LRMDA: variants seen among roughly 807,000 people sequenced by gnomAD.
The protein encoded by LRMDA is leucine rich melanocyte differentiation associated.
In LRMDA, 18 loss-of-function variants were observed where a neutral mutation model predicts 29.8. That is an observed-to-expected ratio of 0.60 (90% CI 0.42 to 0.90). The LOEUF is 0.90. Ranked by LOEUF, LRMDA falls within the 40% of genes least tolerant of loss-of-function variation. LRMDA has a pLI of 0.00. For missense variants in LRMDA, 273 were observed against 273.9 expected (o/e 1.00, Z 0.02); for synonymous variants, 125 against 109.4 (o/e 1.14, Z -0.89).
chr10:75,985,286 C>T (rs893425780), intron 2 of LRMDA, among the ~76,000 whole-genome samples: 1 of 152,188 alleles, frequency 6.6e-6, no homozygotes, highest in Non-Finnish European at 1.5e-5. Flanking sequence ...TTTCCATGTT[C>T]TGTTAATCAG....
At chr10:75,989,181 G>A (rs550344497) in intron 2 of LRMDA, among the ~76,000 whole-genome samples, 69 of 152,320 alleles carry the variant, frequency 4.5e-4, no homozygotes, top group African/African-American at 1.5e-3. Context: ...ATGTTGGTGA[G>A]TAAATGACTG....
chr10:76,098,676 A>G (rs527695669), intron 5 of LRMDA, among the ~76,000 whole-genome samples: 2 of 152,250 alleles, frequency 1.3e-5, no homozygotes, highest in South Asian at 4.2e-4. Context: ...CAGCAGGTTC[A>G]CCTTACCTGT....
chr10:75,442,855 T>C (rs1844344939), intron 2 of LRMDA, among the ~76,000 whole-genome samples: 1 of 152,162 alleles, frequency 6.6e-6, no homozygotes, highest in African/African-American at 2.4e-5. Context: ...TATCTTCCTT[T>C]ATGTGTGTAT....
At chr10:75,606,071 T>C (rs1185518496) in intron 2 of LRMDA, among the ~76,000 whole-genome samples, 1 of 152,148 alleles carries the variant, frequency 6.6e-6, no homozygotes, top group Non-Finnish European at 1.5e-5. Flanking sequence ...TTGCCCAGGC[T>C]GGTCTTGAAC....
intron 6 of LRMDA, among the ~76,000 whole-genome samples, chr10:76,430,198 T>C (rs551399019): frequency 6.6e-6 from 1 of 152,100 alleles, no homozygotes; most frequent in South Asian, 2.1e-4. Flanking sequence ...ACCTTAGGAG[T>C]GTCGGCAGTA....
At chr10:75,965,700 A>T (rs1045748986) in intron 2 of LRMDA, among the ~76,000 whole-genome samples, 3 of 152,298 alleles carry the variant, frequency 2.0e-5, no homozygotes, top group African/African-American at 7.2e-5. Flanking sequence ...GGACCATGGC[A>T]TCTTGACTTC....
chr10:75,937,199 G>T (rs985336767), intron 2 of LRMDA, among the ~76,000 whole-genome samples: 1 of 152,154 alleles, frequency 6.6e-6, no homozygotes, highest in African/African-American at 2.4e-5. Context: ...TGCTAAATTT[G>T]TTGAACAGAG....
intron 5 of LRMDA, among the ~76,000 whole-genome samples, chr10:76,093,258 G>C (rs1207181919): frequency 7.3e-5 from 11 of 151,358 alleles, no homozygotes; most frequent in African/African-American, 2.7e-4. Flanking sequence ...GGCTGGTCTT[G>C]AACTCCTGAG....
intron 2 of LRMDA, among the ~76,000 whole-genome samples, chr10:76,026,642 C>T (rs962646858): frequency 1.3e-5 from 2 of 152,146 alleles, no homozygotes; most frequent in African/African-American, 2.4e-5. Context: ...TGCACAGTCC[C>T]AGCTAGAAGA....
At chr10:76,005,917 A>C (rs937615674) in intron 2 of LRMDA, among the ~76,000 whole-genome samples, 2 of 146,146 alleles carry the variant, frequency 1.4e-5, no homozygotes, top group Non-Finnish European at 3.0e-5. Context: ...GTGCAGTGCG[A>C]GACTCCATCT....
intron 6 of LRMDA, among the ~76,000 whole-genome samples, chr10:76,459,147 C>T (rs1907356): frequency 0.25 from 37,674 of 151,982 alleles, 5,554 homozygotes; most frequent in Non-Finnish European, 0.34. Flanking sequence ...TTAACAGATC[C>T]TCCACACACG....
intron 5 of LRMDA, among the ~76,000 whole-genome samples, chr10:76,094,542 T>C (rs1849283820): frequency 6.6e-6 from 1 of 152,146 alleles, no homozygotes; most frequent in South Asian, 2.1e-4. Context: ...TTATTTTTAA[T>C]TTTGAAAATA....
At chr10:75,903,732 C>G (rs1282221297) in intron 2 of LRMDA, among the ~76,000 whole-genome samples, 1 of 152,192 alleles carries the variant, frequency 6.6e-6, no homozygotes, top group Non-Finnish European at 1.5e-5. Flanking sequence ...TTGCACCAAC[C>G]AAAAGCTTTT....
intron 2 of LRMDA, among the ~76,000 whole-genome samples, chr10:75,680,011 A>G (rs1842005314): frequency 6.6e-6 from 1 of 152,264 alleles, no homozygotes; most frequent in Admixed American, 6.5e-5. Context: ...GACTAGGTTT[A>G]GTTGGTATCT....
intron 2 of LRMDA, among the ~76,000 whole-genome samples, chr10:75,814,684 C>A (rs1237045793): frequency 6.6e-6 from 1 of 152,114 alleles, no homozygotes; most frequent in Non-Finnish European, 1.5e-5. Context: ...GAAAATGATT[C>A]CCCTCTTGGT....
intron 2 of LRMDA, among the ~76,000 whole-genome samples, chr10:75,877,786 G>T (rs1449411127): frequency 6.6e-6 from 1 of 152,192 alleles, no homozygotes; most frequent in Non-Finnish European, 1.5e-5. Context: ...TGGGACTCCT[G>T]TCCCAATTTT....
chr10:75,494,000 C>T (rs1845017852), intron 2 of LRMDA, among the ~76,000 whole-genome samples: 1 of 152,068 alleles, frequency 6.6e-6, no homozygotes, highest in Non-Finnish European at 1.5e-5. Context: ...GTGATCCTCC[C>T]ACCTTGGCCT....
chr10:75,672,563 CCCCTTCCCTT>C (rs1170985685), intron 2 of LRMDA, among the ~76,000 whole-genome samples: 2,640 of 10,812 alleles, frequency 0.24, 934 homozygotes, highest in Non-Finnish European at 0.35. Flanking sequence ...CCCCTCCCCT[CCCCTTCCCTT>C]CCCTTCCCTT....
intron 5 of LRMDA, among the ~76,000 whole-genome samples, chr10:76,246,083 A>C (rs552856405): frequency 4.0e-4 from 61 of 152,318 alleles, no homozygotes; most frequent in African/African-American, 1.4e-3. Flanking sequence ...GACATAAGAG[A>C]GTTGGAAACT....
Sources: allele counts gnomAD v4.1 joint callset (sites outside exome capture counted in the v4.1 genomes callset), GRCh38; gene constraint gnomAD v4.1.1; transcripts MANE v1.5; gene names NCBI Gene and HGNC (gene_info 2026-07-23, HGNC 2026-07-21).